Variants in APBB2 observed in about 807,000 individuals in gnomAD.
The protein encoded by APBB2 is Fe65-like 1.
In APBB2, 38 loss-of-function variants were observed where a neutral mutation model predicts 82.5. The observed-to-expected ratio is 0.46, with a 90% CI of 0.36 to 0.60. The LOEUF (loss-of-function observed/expected upper bound fraction) is 0.60. Ranked by LOEUF, APBB2 falls within the 20% of genes least tolerant of loss-of-function variation. APBB2 has a pLI of 0.00. For synonymous variants in APBB2, 341 were observed against 368.2 expected (o/e 0.93, Z 0.85); for missense variants, 772 against 972.3 (o/e 0.79, Z 2.74).
At chr4:41,183,248 T>C (rs912385513) in intron 1 of APBB2, among the ~76,000 whole-genome samples, 8 of 152,244 alleles carry the variant, frequency 5.3e-5, no homozygotes, top group African/African-American at 1.4e-4. Flanking sequence ...CTTTTTACAA[T>C]GACTCTGCTT....
intron 2 of APBB2, among the ~76,000 whole-genome samples, chr4:41,124,048 G>A (rs2153997444): frequency 1.3e-5 from 2 of 152,252 alleles, no homozygotes; most frequent in Middle Eastern, 3.4e-3. Flanking sequence ...GCAGGAAGAA[G>A]CTTGCCCACA....
intron 5 of APBB2, among the ~76,000 whole-genome samples, chr4:41,031,115 C>T (rs529721871): frequency 8.9e-4 from 136 of 152,156 alleles, no homozygotes; most frequent in Non-Finnish European, 1.7e-3. Context: ...ATCCCAGTTA[C>T]TCGGGAGCCT....
chr4:40,998,048 T>C (rs576343287), intron 6 of APBB2, among the ~76,000 whole-genome samples: 1 of 152,280 alleles, frequency 6.6e-6, no homozygotes, highest in African/African-American at 2.4e-5. Flanking sequence ...GGTAGACATT[T>C]TCACAAAAAT....
chr4:41,110,429 C>A (rs1748775380), intron 2 of APBB2, among the ~76,000 whole-genome samples: 1 of 151,928 alleles, frequency 6.6e-6, no homozygotes, highest in East Asian at 1.9e-4. Context: ...ACAGTGAAAC[C>A]CCATCTCTAC....
At chr4:40,817,228 T>A (rs895732716) in intron 17 of APBB2, among the ~76,000 whole-genome samples, 20 of 151,976 alleles carry the variant, frequency 1.3e-4, no homozygotes, top group African/African-American at 4.8e-4. Context: ...GGCAACATGG[T>A]GAAACCGTGT....
At chr4:40,845,039 C>G (rs1757071502) in intron 12 of APBB2, among the ~76,000 whole-genome samples, 1 of 152,206 alleles carries the variant, frequency 6.6e-6, no homozygotes, top group Non-Finnish European at 1.5e-5. Context: ...AACATACCAT[C>G]AAGATGTAGC....
chr4:40,887,123 C>T (rs1159121744), intron 12 of APBB2, among the ~76,000 whole-genome samples: 1 of 152,214 alleles, frequency 6.6e-6, no homozygotes, highest in Non-Finnish European at 1.5e-5. Flanking sequence ...AGTAAGAGGT[C>T]TCTCCAACTC....
chr4:40,883,260 C>A (rs947598902), intron 12 of APBB2, among the ~76,000 whole-genome samples: 1 of 152,174 alleles, frequency 6.6e-6, no homozygotes, highest in Non-Finnish European at 1.5e-5. Context: ...GTGTTCAAGG[C>A]TGCAGTGAGC....
intron 1 of APBB2, among the ~76,000 whole-genome samples, chr4:41,143,911 C>G (rs188510446): frequency 1.2e-4 from 18 of 152,336 alleles, no homozygotes; most frequent in African/African-American, 3.1e-4. Context: ...TGTGGCCTAG[C>G]CCACAGGCGC....
At chr4:40,843,200 CGAG>C (rs908371375) in intron 12 of APBB2, among the ~76,000 whole-genome samples, 1 of 152,122 alleles carries the variant, frequency 6.6e-6, no homozygotes, top group Admixed American at 6.5e-5. Context: ...GGATAGATAA[CGAG>C]GAGGAAAGGA....
chr4:40,834,102 G>A (rs1472317916), intron 12 of APBB2, among the ~76,000 whole-genome samples: 2 of 112,408 alleles, frequency 1.8e-5, no homozygotes, highest in Non-Finnish European at 3.6e-5. Flanking sequence ...TTTTTTGGGA[G>A]GAATTCTCAC....
chr4:40,875,737 T>C (rs990331165), intron 12 of APBB2, among the ~76,000 whole-genome samples: 2 of 152,188 alleles, frequency 1.3e-5, no homozygotes, highest in African/African-American at 4.8e-5. Context: ...GCTCAGACTC[T>C]GGGAGAGTAG....
intron 1 of APBB2, among the ~76,000 whole-genome samples, chr4:41,212,115 A>T (rs1005622660): frequency 6.6e-6 from 1 of 152,250 alleles, no homozygotes; most frequent in Non-Finnish European, 1.5e-5. Flanking sequence ...GGTAACAGAA[A>T]AATAAAAGAA....
chr4:40,871,011 T>C (rs930794830), intron 12 of APBB2, among the ~76,000 whole-genome samples: 2 of 151,404 alleles, frequency 1.3e-5, no homozygotes, highest in Admixed American at 1.3e-4. Flanking sequence ...GCCATACATA[T>C]ATATATATGT....
chr4:40,969,759 G>C (rs1267060437), intron 6 of APBB2, among the ~76,000 whole-genome samples: 1 of 152,182 alleles, frequency 6.6e-6, no homozygotes, highest in Non-Finnish European at 1.5e-5. Flanking sequence ...GAGAGGACAA[G>C]AATCAATCAG....
At chr4:41,057,621 C>T (rs2153870297) in intron 4 of APBB2, among the ~76,000 whole-genome samples, 1 of 152,314 alleles carries the variant, frequency 6.6e-6, no homozygotes, top group East Asian at 1.9e-4. Context: ...CTATTGGTTT[C>T]ATCTTGCACG....
chr4:41,008,490 C>A (rs1017092976), intron 6 of APBB2, among the ~76,000 whole-genome samples: 9 of 152,174 alleles, frequency 5.9e-5, no homozygotes, highest in African/African-American at 2.2e-4. Context: ...TGCCATATTC[C>A]AGGCACTGAA....
chr4:41,087,641 T>C lies in APBB2; in HGVS notation c.-149+12998A>G, dbSNP rs528520130. Among the ~76,000 whole-genome samples, 11 of 151,948 alleles carry C rather than the reference T, an allele frequency of 7.2e-5. No homozygotes were observed. In the South Asian group the frequency reaches 2.1e-3, roughly 29 times the overall value. On this transcript the variant is annotated intron_variant, in intron 3 of 17. Coordinates refer to ENST00000508593, the MANE Select transcript of APBB2 (RefSeq NM_004307.2). ...GATGGGGTTTCACCATGACGGCCAG[T>C]TGGTCTTAAACTCCTGACTTCAAGT... is the stretch of plus-strand genomic sequence containing the variant.
intron 12 of APBB2, among the ~76,000 whole-genome samples, chr4:40,874,604 A>G (rs1275553597): frequency 6.6e-6 from 1 of 152,192 alleles, no homozygotes; most frequent in African/African-American, 2.4e-5. Flanking sequence ...CAGAATCCCT[A>G]GAACAGTGTT....
Sources: gnomAD v4.1 joint callset for allele counts (sites outside exome capture counted in the v4.1 genomes callset) on GRCh38, gnomAD v4.1.1 for gene constraint, MANE v1.5 for transcripts, NCBI Gene and HGNC (gene_info 2026-07-23, HGNC 2026-07-21) for gene names.